Variants in CABIN1 observed in about 807,000 individuals in gnomAD.
CABIN1 encodes calcineurin-binding protein cabin-1.
Under a neutral mutation model 227.7 loss-of-function variants are expected in CABIN1, and 133 were observed. That is an observed-to-expected ratio of 0.58 (90% CI 0.51 to 0.67). The LOEUF is 0.67. Among genes scored for constraint, CABIN1 ranks in the 30% least tolerant of loss-of-function variants. CABIN1 has a pLI of 0.00. For missense variants in CABIN1, 2,408 were observed against 2,852.5 expected (o/e 0.84, Z 3.55); for synonymous variants, 1,086 against 1,155.1 (o/e 0.94, Z 1.21).
intron 13 of CABIN1, 28 bp from the exon 14 acceptor site, chr22:24,062,931 G>A (rs769837866): frequency 1.2e-6 from 2 of 1,610,290 alleles, no homozygotes; most frequent in Non-Finnish European, 1.7e-6. Context: ...TACACATGAA[G>A]TTGACTCGTT....
chr22:24,141,076 C>T (rs573275155), intron 29 of CABIN1, among the ~76,000 whole-genome samples: 1 of 152,352 alleles, frequency 6.6e-6, no homozygotes, highest in South Asian at 2.1e-4. Flanking sequence ...GGAGATGGGC[C>T]TGCATGGAGG....
rs1301818373 is a variant in CABIN1, at chr22:24,119,505, GGAA to G, written c.4445_4447del (p.Lys1482del). On this transcript the variant is annotated inframe_deletion, in exon 28 of 37. Coordinates refer to ENST00000263119, the MANE Select transcript of CABIN1 (RefSeq NM_012295.4). ...GCATCCACACCCACCCTGTGGGATG[GGAA>G]GAAGAGAGGGGACCTCCCAGGGGAG... 1.2e-6 allele frequency: 2 copies of G among 1,613,938 alleles called. No homozygotes were observed. The highest frequency in any genetic ancestry group is 1.7e-6 in the Non-Finnish European group (2 of 1,180,042).
At chr22:24,100,537 T>G (rs1050271795) in intron 26 of CABIN1, among the ~76,000 whole-genome samples, 4 of 152,234 alleles carry the variant, frequency 2.6e-5, no homozygotes, top group African/African-American at 9.6e-5. Context: ...GTTCCTAGTT[T>G]CCACTCAGCT....
chr22:24,050,664 A>G (rs1306924008), intron 7 of CABIN1, among the ~76,000 whole-genome samples, 161 bp from the exon 8 acceptor site: 2 of 152,196 alleles, frequency 1.3e-5, no homozygotes, highest in South Asian at 2.1e-4. Context: ...TAAGAAGGCT[A>G]TTTACTGCCC....
intron 33 of CABIN1, 68 bp from the exon 34 acceptor site, chr22:24,171,645 G>A: frequency 1.3e-6 from 2 of 1,591,488 alleles, no homozygotes; most frequent in Non-Finnish European, 1.7e-6. Context: ...CTGGTCGGCT[G>A]GCGGGCAGAG....
chr22:24,018,703 T>C (rs1229346332), intron 1 of CABIN1, among the ~76,000 whole-genome samples: 3 of 152,202 alleles, frequency 2.0e-5, no homozygotes, highest in African/African-American at 7.2e-5. Flanking sequence ...TTTTAATGTC[T>C]GTTATACCTA....
At chr22:24,078,899 C>T (rs1356461408) in intron 19 of CABIN1, among the ~76,000 whole-genome samples, 1 of 152,116 alleles carries the variant, frequency 6.6e-6, no homozygotes, top group Non-Finnish European at 1.5e-5. Context: ...AATTATGTAT[C>T]TGTATGTCAG....
intron 1 of CABIN1, among the ~76,000 whole-genome samples, chr22:24,014,937 ATAT>A (rs200494354): frequency 0.012 from 1,873 of 152,178 alleles, 35 homozygotes; most frequent in African/African-American, 0.043. Context: ...GTGACATGCT[ATAT>A]AGATAATTGT....
Position 24,172,587 on chromosome 22 carries a change from G to A in CABIN1, c.6040+592G>A, listed in dbSNP as rs528576442. ...GGGGGCTTGTGAAGGAAAACAGAGAGGACAAAGGTGCGGGCAGTAGAGGGC... is the reference window on the plus strand; with the variant it reads ...GGGGGCTTGTGAAGGAAAACAGAGAAGACAAAGGTGCGGGCAGTAGAGGGC... On this transcript the variant is annotated intron_variant, in intron 34 of 36. Coordinates refer to ENST00000263119, the MANE Select transcript of CABIN1 (RefSeq NM_012295.4). Among the ~76,000 whole-genome samples, 3 of 152,330 alleles carry A rather than the reference G, an allele frequency of 2.0e-5. No individual in the cohort carries two copies. In the East Asian group the frequency reaches 5.8e-4, roughly 29 times the overall value.
At chr22:24,081,437 C>T (rs2040800406) in intron 19 of CABIN1, among the ~76,000 whole-genome samples, 1 of 152,194 alleles carries the variant, frequency 6.6e-6, no homozygotes, top group Non-Finnish European at 1.5e-5. Context: ...TCTGCTTATG[C>T]TTTAAAAAGT....
chr22:24,085,118 T>G lies in CABIN1; in HGVS notation c.3230T>G (p.Phe1077Cys), dbSNP rs760886846. ...KNKEQSKAIK[F>C]YMHDICICPN... is the part of the protein sequence containing the mutation. ...AAGGAGCAGTCCAAGGCCATCAAGT[T>G]CTACATGCATGACATCTGCATCTGC... The change falls in exon 22 of 37, where the codon TTC becomes TGC. Residue 1077 changes from phenylalanine to cysteine, a missense_variant. This residue lies in a region of CABIN1 where 649 missense variants were observed against 910.3 expected (regional missense o/e 0.71). Transcript: ENST00000263119. The G allele has an allele frequency of 1.2e-6, 2 of 1,614,166 alleles. No homozygotes were observed. The highest frequency in any genetic ancestry group is 3.3e-5 in the Admixed American group (2 of 60,030).
intron 29 of CABIN1, among the ~76,000 whole-genome samples, chr22:24,158,631 ATTT>A (rs1211975684): frequency 4.6e-5 from 7 of 152,104 alleles, no homozygotes; most frequent in Admixed American, 1.3e-4. Context: ...TCGGCTGCCC[ATTT>A]CCTCATCTGC....
chr22:24,038,799 A>G (rs1335600225), intron 4 of CABIN1, among the ~76,000 whole-genome samples: 2 of 152,228 alleles, frequency 1.3e-5, no homozygotes, highest in African/African-American at 4.8e-5. Flanking sequence ...TGATGGCTCA[A>G]AGCCATCCAA....
rs545651054 is a variant in CABIN1, at chr22:24,142,621, C to T, written c.4746+8206C>T. Among the ~76,000 whole-genome samples the T allele has an allele frequency of 2.1e-3, 324 of 152,330 alleles. 1 individual carries two copies. The highest frequency in any genetic ancestry group is 7.3e-3 in the African/African-American group (303 of 41,568). On this transcript the variant is annotated intron_variant, in intron 29 of 36. Transcript: ENST00000263119. ...GGTGGGCCTGTGGTCAGCCCCTGCCCCCAGGCGCCAGCCCCAGGTTCAGAG... is the reference window on the plus strand; with the variant it reads ...GGTGGGCCTGTGGTCAGCCCCTGCCTCCAGGCGCCAGCCCCAGGTTCAGAG...
At chr22:24,071,181 C>G in intron 17 of CABIN1, 139 bp downstream of exon 17, 1 of 1,234,684 alleles carries the variant, frequency 8.1e-7, no homozygotes, top group Admixed American at 2.0e-5. Flanking sequence ...TTGGAACTTT[C>G]GGGATCTGAG....
At chr22:24,109,655 G>A (rs1305382160) in intron 26 of CABIN1, among the ~76,000 whole-genome samples, 1 of 152,184 alleles carries the variant, frequency 6.6e-6, no homozygotes, top group Non-Finnish European at 1.5e-5. Context: ...GACCCTAGGG[G>A]ACTGTGTCTG....
At chr22:24,095,007 G>T (rs184777505) in intron 24 of CABIN1, among the ~76,000 whole-genome samples, 1 of 152,288 alleles carries the variant, frequency 6.6e-6, no homozygotes, top group Non-Finnish European at 1.5e-5. Context: ...ATTGTGCATG[G>T]GTGCCTCGAG....
chr22:24,028,362 T>A (rs2146760798), intron 1 of CABIN1, among the ~76,000 whole-genome samples: 1 of 152,298 alleles, frequency 6.6e-6, no homozygotes, highest in East Asian at 1.9e-4. Flanking sequence ...CTATTTCAGC[T>A]GAGATGAGAA....
rs551100207 is a variant in CABIN1 at position 24,030,748 on chromosome 22, C to G, written c.-74-4696C>G. On this transcript the variant is annotated intron_variant, in intron 1 of 36. Coordinates refer to ENST00000263119, the MANE Select transcript of CABIN1 (RefSeq NM_012295.4). ...GGAGGTGGGAGGGATTGGGCTGGGGCAGGGACTCAGACAGCATATGGGGCC... is the reference window on the plus strand; with the variant it reads ...GGAGGTGGGAGGGATTGGGCTGGGGGAGGGACTCAGACAGCATATGGGGCC... 4.6e-5 allele frequency among the ~76,000 whole-genome samples: 7 copies of G among 152,170 alleles called. 1 individual carries two copies. In the South Asian group the frequency reaches 1.5e-3, roughly 32 times the overall value.
Sources: gnomAD v4.1 joint callset for allele counts (sites outside exome capture counted in the v4.1 genomes callset) on GRCh38, gnomAD v4.1.1 for gene constraint, gnomAD v4.1.1 regional missense constraint, MANE v1.5 for transcripts, NCBI Gene and HGNC (gene_info 2026-07-23, HGNC 2026-07-21) for gene names.